Variants in FBXO25 observed in about 807,000 individuals in gnomAD.
FBXO25 encodes the protein F-box protein 25.
Under a neutral mutation model 51.9 loss-of-function variants are expected in FBXO25, and 45 were observed. That is an observed-to-expected ratio of 0.87 (90% CI 0.68 to 1.11). The LOEUF is 1.11. Among genes scored for constraint, FBXO25 ranks in the 50% most tolerant of loss-of-function variants. The pLI, the probability that FBXO25 is intolerant of heterozygous loss-of-function variation, is 0.00. For missense variants in FBXO25, 507 were observed against 428.5 expected, an observed-to-expected ratio of 1.18 and a Z score of -1.62; for synonymous variants, 199 against 151.0, an observed-to-expected ratio of 1.32 and a Z score of -2.33.
rs1253929463 is a variant in FBXO25 at position 451,265 on chromosome 8, C to G, written c.476-4C>G. 6.3e-7 allele frequency: 1 copy of G among 1,585,360 alleles called. No homozygotes were observed. On this transcript the variant is annotated splice_polypyrimidine_tract_variant and splice_region_variant and intron_variant, in intron 6 of 9. Transcript: ENST00000350302. ...ATCCATAGTTTTATTTTTATTTATT[C>G]CAGTTCTTGATGACCACCACAATCC...
chr8:435,994 G>A (rs553793526), intron 5 of FBXO25, among the ~76,000 whole-genome samples: 6 of 152,356 alleles, frequency 3.9e-5, no homozygotes, highest in African/African-American at 1.4e-4. Context: ...CTTGGGGGTT[G>A]TACCACGTAC....
chr8:449,850 T>C, intron 5 of FBXO25, 140 bp from the exon 6 acceptor site: 2 of 636,864 alleles, frequency 3.1e-6, no homozygotes, highest in South Asian at 2.0e-5. Context: ...CTGTTTCCTA[T>C]ACTTGGACTC....
Position 476,540 on chromosome 8 carries a change from G to C in FBXO25, c.*7736G>C, listed in dbSNP as rs1015296559. 2.0e-5 allele frequency: 3 copies of C among 152,104 alleles called. No individual in the cohort carries two copies. Among genetic ancestry groups the C allele is most frequent in the Non-Finnish European group, 2.9e-5 (2 of 68,014 alleles). The allele number at this position is 152,104 out of a possible 1,614,324, so 9.4% of individuals were successfully genotyped here. A position where few individuals can be genotyped will look rare whatever the true frequency, so the allele number is the denominator to read the frequency against. ...CTACTTCATGCTCTTGACTAGCATAGGTCTGTTCAGATTTTCCATTTCTTC... is the reference window on the plus strand; with the variant it reads ...CTACTTCATGCTCTTGACTAGCATACGTCTGTTCAGATTTTCCATTTCTTC... On this transcript the variant is annotated 3_prime_UTR_variant, in exon 10 of 10. Transcript: ENST00000350302.
At chr8:453,081 T>C (rs1381305541) in intron 7 of FBXO25, among the ~76,000 whole-genome samples, 1 of 152,168 alleles carries the variant, frequency 6.6e-6, no homozygotes, top group Non-Finnish European at 1.5e-5. Flanking sequence ...CAGAGCACAC[T>C]TACGTGGCAA....
chr8:424,301 C>A (rs766778856), intron 2 of FBXO25, among the ~76,000 whole-genome samples: 4 of 152,140 alleles, frequency 2.6e-5, no homozygotes, highest in Non-Finnish European at 2.9e-5. Flanking sequence ...TAGTTTCTCT[C>A]ATTCCGTAGG....
In FBXO25 at chr8:429,323, T is replaced by C. The variant is rs1218186831; in HGVS notation, c.135-2018T>C. Among the ~76,000 whole-genome samples the C allele has an allele frequency of 6.6e-5, 10 of 152,310 alleles. No individual in the cohort carries two copies. In the South Asian group the frequency reaches 1.0e-3, roughly 16 times the overall value. On this transcript the variant is annotated intron_variant, in intron 2 of 9. Transcript: ENST00000350302. The stretch of plus-strand genomic sequence containing the variant: ...GATATGGAGCATCTTTTCATGGGCT[T>C]CTTGGCTGCTGTGTCTCTTCTTTGG...
chr8:430,548 G>T (rs2117606392), intron 2 of FBXO25, among the ~76,000 whole-genome samples: 1 of 152,128 alleles, frequency 6.6e-6, no homozygotes, highest in Non-Finnish European at 1.5e-5. Flanking sequence ...TAGTTCCTTG[G>T]ATTTGAGCAC....
chr8:468,990 C>G lies in FBXO25; in HGVS notation c.*186C>G, dbSNP rs1460235218. The G allele has an allele frequency of 1.8e-6, 1 of 560,420 alleles. No homozygotes were observed. The highest frequency in any genetic ancestry group is 1.9e-5 in the African/African-American group (1 of 52,182). The allele number at this position is 560,420 out of a possible 1,614,324, so 34.7% of individuals were successfully genotyped here. Reference sequence around the variant, plus strand: ...ATTTTCATCACTGAAAGTCAGAGGCCAAGGAAATCATTTCTACTTCTTTAA... The same window carrying G: ...ATTTTCATCACTGAAAGTCAGAGGCGAAGGAAATCATTTCTACTTCTTTAA... On this transcript the variant is annotated 3_prime_UTR_variant, in exon 10 of 10. Transcript: ENST00000350302.
intron 9 of FBXO25, 115 bp from the exon 10 acceptor site, chr8:468,600 T>C: frequency 1.4e-6 from 1 of 736,612 alleles, no homozygotes; most frequent in Non-Finnish European, 2.3e-6. Context: ...CCCATGTACC[T>C]CTGAGGTGGG....
intron 8 of FBXO25, among the ~76,000 whole-genome samples, chr8:460,458 A>G (rs1799738166): frequency 6.6e-6 from 1 of 152,240 alleles, no homozygotes; most frequent in African/African-American, 2.4e-5. Context: ...GGCCCTGAAA[A>G]AAAAAGCATA....
chr8:409,148 CA>C (rs1796340628), intron 1 of FBXO25, among the ~76,000 whole-genome samples: 1 of 152,140 alleles, frequency 6.6e-6, no homozygotes, highest in African/African-American at 2.4e-5. Context: ...ATCCAGACCC[CA>C]GACGTTTTAA....
At chr8:468,356 C>CTGGG in intron 9 of FBXO25, 1 of 819,252 alleles carries the variant, frequency 1.2e-6, no homozygotes, top group Non-Finnish European at 1.5e-6. Context: ...AAAGGAATGG[C>CTGGG]TGGGACCAGA....
At chr8:434,348 C>T (rs190032457) in intron 4 of FBXO25, among the ~76,000 whole-genome samples, 7 of 152,308 alleles carry the variant, frequency 4.6e-5, no homozygotes, top group Admixed American at 1.3e-4. Flanking sequence ...TGGAAAGTGC[C>T]TGCTGCACCA....
chr8:418,401 A>G (rs13281275), intron 2 of FBXO25, among the ~76,000 whole-genome samples: 9,662 of 125,600 alleles, frequency 0.077, 634 homozygotes, highest in African/African-American at 0.19. Context: ...GTGCAGTGGC[A>G]TGATCTCGGC....
rs1277196222 is a variant in FBXO25 at position 451,370 on chromosome 8, G to A, written c.577G>A (p.Val193Met). The A allele has an allele frequency of 1.9e-6, 3 of 1,614,014 alleles. No individual in the cohort carries two copies. In the Admixed American group the frequency reaches 5.0e-5, roughly 27 times the overall value. ...TAGAGGAGTAGGGAAGTCTGTATTA[G>A]TGGGAAACATCAATATTTGGATTTG... is the stretch of plus-strand genomic sequence containing the variant. Reference protein sequence around the residue: ...LIRGVGKSVLVGNINIWICRL... With the variant: ...LIRGVGKSVLMGNINIWICRL... The change falls in exon 7 of 10, where the codon GTG becomes ATG. Residue 193 changes from valine to methionine, a missense_variant. Val to Met is a conservative substitution (Grantham distance 21). Coordinates refer to ENST00000350302, the MANE Select transcript of FBXO25 (RefSeq NM_183420.2).
In FBXO25 at chr8:463,268, TAAG is replaced by T. The variant is rs35665498; in HGVS notation, c.987+119_987+121del. 1.5e-4 allele frequency: 174 copies of T among 1,129,396 alleles called. 1 individual carries two copies. The African/African-American group carries it at 2.4e-3, about 15-fold the overall frequency. 70.0% of individuals were successfully genotyped at this position (1,129,396 alleles called of 1,614,324 possible). ...AAAATACTGTTTGTTATAAGTAAGT[TAAG>T]GAGATATATTTTACCAAATATTGGG... On this transcript the variant is annotated intron_variant, in intron 9 of 9. Coordinates refer to ENST00000350302, the MANE Select transcript of FBXO25 (RefSeq NM_183420.2).
rs1175346692 is a variant in FBXO25, at chr8:430,765, T to C, written c.135-576T>C. The stretch of plus-strand genomic sequence containing the variant: ...TTGCCTTATGATTTGATTTTCTTGT[T>C]TCACGAAGAAGAAAAGCTTTTAATT... On this transcript the variant is annotated intron_variant, in intron 2 of 9. Transcript: ENST00000350302. 2.0e-5 allele frequency among the ~76,000 whole-genome samples: 3 copies of C among 152,250 alleles called. No individual in the cohort carries two copies. In the East Asian group the frequency reaches 5.8e-4, roughly 29 times the overall value.
Position 472,454 on chromosome 8 carries a change from G to T in FBXO25, c.*3650G>T, listed in dbSNP as rs1234063799. ...TTTATACATAGCTGTTAGATTTGGT[G>T]TGCTGGAACAGCCAGCCCTCTGTAT... On this transcript the variant is annotated 3_prime_UTR_variant, in exon 10 of 10. Coordinates refer to ENST00000350302, the MANE Select transcript of FBXO25 (RefSeq NM_183420.2). 1.3e-5 allele frequency: 2 copies of T among 152,236 alleles called. No homozygotes were observed. The highest frequency in any genetic ancestry group is 4.8e-5 in the African/African-American group (2 of 41,428). The allele number at this position is 152,236 out of a possible 1,614,324, so 9.4% of individuals were successfully genotyped here.
chr8:419,131 G>A (rs1426393675), intron 2 of FBXO25, among the ~76,000 whole-genome samples: 3 of 152,052 alleles, frequency 2.0e-5, no homozygotes, highest in Non-Finnish European at 2.9e-5. Flanking sequence ...AGGCCAAGGC[G>A]GGCGGATCAC....
Sources: gnomAD v4.1 joint callset for allele counts (sites outside exome capture counted in the v4.1 genomes callset) on GRCh38, gnomAD v4.1.1 for gene constraint, MANE v1.5 for transcripts, NCBI Gene and HGNC (gene_info 2026-07-23, HGNC 2026-07-21) for gene names.